Variants in FGD2 observed in about 807,000 individuals in gnomAD.
FGD2 encodes FYVE, RhoGEF and PH domain-containing protein 2.
In FGD2, 52 loss-of-function variants were observed where a neutral mutation model predicts 75.9. That is an observed-to-expected ratio of 0.69 (90% CI 0.55 to 0.86). FGD2 has a LOEUF of 0.86. Among genes scored for constraint, FGD2 ranks in the 40% least tolerant of loss-of-function variants. FGD2 has a pLI of 0.00. For synonymous variants in FGD2, 347 were observed against 348.6 expected, an observed-to-expected ratio of 1.00 and a Z score of 0.05; for missense variants, 790 against 872.0, an observed-to-expected ratio of 0.91 and a Z score of 1.18.
At chr6:37,016,189 T>C (rs1765281481) in intron 9 of FGD2, among the ~76,000 whole-genome samples, 1 of 152,170 alleles carries the variant, frequency 6.6e-6, no homozygotes, top group Non-Finnish European at 1.5e-5. Context: ...AAAATGCAGG[T>C]TCTGAATCAG....
chr6:37,022,207 C>G, intron 12 of FGD2, 32 bp from the exon 13 acceptor site: 3 of 1,589,500 alleles, frequency 1.9e-6, no homozygotes, highest in Middle Eastern at 1.7e-4. Flanking sequence ...TCACCAAGGG[C>G]CCATTCCTGC....
At chr6:37,027,130 C>T (rs2150785953) in intron 14 of FGD2, among the ~76,000 whole-genome samples, 1 of 152,338 alleles carries the variant, frequency 6.6e-6, no homozygotes, top group Non-Finnish European at 1.5e-5. Context: ...GATGCTCAGC[C>T]CCTTCTCAGG....
Position 37,020,619 on chromosome 6 carries a change from C to G in FGD2, c.1201C>G (p.Arg401Gly), listed in dbSNP as rs762301573. Residue 401 changes from arginine (R) to glycine (G), a missense_variant and splice_region_variant, in exon 10 of 16, where the codon CGG (arginine) becomes GGG (glycine). Arg to Gly is a moderately radical substitution (Grantham distance 125). Transcript: ENST00000274963. ...GCAGCGCACCCTGGAGCTGCAAGCC[C>G]GGTAAAGGAGCTGGGGTGGCGGCCC... ...GKQRTLELQA[R>G]SQEEMISWMQ... The G allele has an allele frequency of 1.1e-5, 17 of 1,601,394 alleles. No homozygotes were observed. Among genetic ancestry groups the G allele is most frequent in the Non-Finnish European group, 1.4e-5 (16 of 1,174,132 alleles).
At chr6:37,020,438 G>T in intron 9 of FGD2, 103 bp from the exon 10 acceptor site, 1 of 1,121,894 alleles carries the variant, frequency 8.9e-7, no homozygotes, top group Non-Finnish European at 1.3e-6. Flanking sequence ...TCTCGAATTT[G>T]AATTGTCCCT....
In FGD2 at chr6:37,013,670, A is replaced by G; in HGVS notation, c.589A>G (p.Ser197Gly). The change falls in exon 5 of 16, where the codon AGT (serine) becomes GGT (glycine). Residue 197 changes from serine (S) to glycine (G), a missense_variant. Ser to Gly is a moderately conservative substitution (Grantham distance 56, BLOSUM62 0). Transcript: ENST00000274963. ...GCTGGCCCCCTTCCTGAAGATGTAC[A>G]GTGAGTATGTCAAGAACTTTGAGCG... Reference protein sequence around the residue: ...QKLAPFLKMYSEYVKNFERAA... With the variant: ...QKLAPFLKMYGEYVKNFERAA... 2 of 1,614,032 alleles carry G rather than the reference A, an allele frequency of 1.2e-6. No homozygotes were observed. The highest frequency in any genetic ancestry group is 8.5e-7 in the Non-Finnish European group (1 of 1,179,950).
intron 7 of FGD2, 63 bp from the exon 8 acceptor site, chr6:37,014,829 A>T (rs1250570694): frequency 5.6e-6 from 9 of 1,609,534 alleles, no homozygotes; most frequent in Non-Finnish European, 7.6e-6. Context: ...CCCACAAGGC[A>T]AGCCTTCCAG....
In FGD2 at chr6:37,025,922, G is replaced by A. The variant is rs771004067; in HGVS notation, c.1589G>A (p.Arg530Lys). The change falls in exon 14 of 16, where the codon AGG becomes AAG. Residue 530 changes from arginine (R) to lysine (K), a missense_variant. By Grantham distance (26) the Arg-to-Lys change is conservative. Coordinates refer to ENST00000274963, the MANE Select transcript of FGD2 (RefSeq NM_173558.4). ...NVLPEAKEDK[R>K]RGILEKGSSA... ...CTGCCTGAGGCCAAGGAGGACAAGA[G>A]GCGGGGCATCCTGGAGGTGAGGGCC... 6.2e-7 allele frequency: 1 copy of A among 1,614,170 alleles called. No homozygotes were observed. The highest frequency in any genetic ancestry group is 8.5e-7 in the Non-Finnish European group (1 of 1,180,022).
At chr6:37,016,124 T>TA (rs1765276545) in intron 9 of FGD2, among the ~76,000 whole-genome samples, 2 of 152,156 alleles carry the variant, frequency 1.3e-5, no homozygotes, top group South Asian at 4.1e-4. Context: ...CCCTACTGTT[T>TA]ATACCACTGC....
chr6:37,020,705 G>T lies in FGD2; in HGVS notation c.1203-4G>T. On this transcript the variant is annotated splice_polypyrimidine_tract_variant and splice_region_variant and intron_variant, in intron 10 of 15. Transcript: ENST00000274963. ...CTCAACACCTGTGTTCACTTTCCGA[G>T]CAGGTCCCAGGAGGAAATGATTTCC... is the stretch of plus-strand genomic sequence containing the variant. 6.4e-7 allele frequency: 1 copy of T among 1,574,394 alleles called. No homozygotes were observed.
chr6:37,010,907 C>G, intron 2 of FGD2, 66 bp from the exon 3 acceptor site: 1 of 1,465,868 alleles, frequency 6.8e-7, no homozygotes, highest in Admixed American at 1.7e-5. Context: ...AACCGAGGTC[C>G]CCATCAGAGG....
intron 12 of FGD2, 110 bp from the exon 13 acceptor site, chr6:37,022,129 C>A: frequency 7.0e-7 from 1 of 1,429,120 alleles, no homozygotes; most frequent in Non-Finnish European, 9.3e-7. Flanking sequence ...GGAAGCCCAA[C>A]ACAAAGAATC....
chr6:37,008,858 C>CCA lies in FGD2; in HGVS notation c.94_95dup (p.Gln32HisfsTer4), dbSNP rs1561925047. ...GGACCCCAGAAGCAGCACCCAGAGG[C>CCA]CAGAGGCTAGAGGACGTGCATCACC... On this transcript the variant is annotated frameshift_variant, in exon 2 of 16. Coordinates refer to ENST00000274963, the MANE Select transcript of FGD2 (RefSeq NM_173558.4). LOFTEE classifies it high-confidence loss of function. 1 of 1,602,942 alleles carries CCA rather than the reference C, an allele frequency of 6.2e-7. No individual in the cohort carries two copies. The highest frequency in any genetic ancestry group is 1.7e-5 in the Admixed American group (1 of 59,260).
Position 37,019,355 on chromosome 6 carries a change from T to C in FGD2, c.1123-1186T>C, listed in dbSNP as rs139418516. 5.5e-4 allele frequency among the ~76,000 whole-genome samples: 83 copies of C among 152,250 alleles called. No homozygotes were observed. In the Middle Eastern group the frequency reaches 0.017, roughly 31 times the overall value. On this transcript the variant is annotated intron_variant, in intron 9 of 15. Coordinates refer to ENST00000274963, the MANE Select transcript of FGD2 (RefSeq NM_173558.4). ...CCAAGGGCATCGAATCCAAATCACA[T>C]CAGCCCCTTCTAAGGCAAAGACTGG...
chr6:37,009,979 A>T (rs1234242184), intron 2 of FGD2: 5 of 144,452 alleles, frequency 3.5e-5, no homozygotes, highest in African/African-American at 1.3e-4. Context: ...GCGCCACTCC[A>T]CTCTAGCCTG....
At position 37,014,056 on chromosome 6, in the gene FGD2, T is replaced by A. The variant is rs1765157297; in HGVS notation, c.779T>A (p.Ile260Asn). 1 of 1,614,056 alleles carries A rather than the reference T, an allele frequency of 6.2e-7. No homozygotes were observed. Among genetic ancestry groups the A allele is most frequent in the African/African-American group, 1.3e-5 (1 of 74,998 alleles). ...TACGAGCTGCTGCTCAAGGAGTACA[T>A]CCAGAAGCTGCCAGCCCAGGCCCCA... ...PRYELLLKEYIQKLPAQAPDQ... is the reference protein window; with the variant it reads ...PRYELLLKEYNQKLPAQAPDQ... Residue 260 changes from isoleucine to asparagine, a missense_variant, in exon 6 of 16, where the codon ATC (isoleucine) becomes AAC (asparagine). Physicochemically the swap from Ile to Asn is moderately radical, Grantham distance 149. Transcript: ENST00000274963.
chr6:37,008,322 G>T (rs1044322773), intron 1 of FGD2, among the ~76,000 whole-genome samples: 1 of 152,206 alleles, frequency 6.6e-6, no homozygotes, highest in African/African-American at 2.4e-5. Flanking sequence ...GTCCCTGGGA[G>T]AACAGAGCAT....
rs758072815 is a variant in FGD2, at chr6:37,028,174, G to A, written c.*11G>A. ...GACCTGTCCGACTGAGCCACTGCCAGCCGCTCTCCTGCCCACCTCTCCCCA... is the reference window on the plus strand; with the variant it reads ...GACCTGTCCGACTGAGCCACTGCCAACCGCTCTCCTGCCCACCTCTCCCCA... On this transcript the variant is annotated 3_prime_UTR_variant, in exon 16 of 16. Coordinates refer to ENST00000274963, the MANE Select transcript of FGD2 (RefSeq NM_173558.4). The A allele has an allele frequency of 1.3e-6, 2 of 1,543,720 alleles. No individual in the cohort carries two copies. The highest frequency in any genetic ancestry group is 1.7e-6 in the Non-Finnish European group (2 of 1,143,488).
chr6:37,014,247 C>A, intron 6 of FGD2, 147 bp downstream of exon 6: 1 of 984,738 alleles, frequency 1.0e-6, no homozygotes, highest in Non-Finnish European at 1.5e-6. Flanking sequence ...ATACCATTAG[C>A]CATTTTTCAC....
rs1403850824 is a variant in FGD2, at chr6:37,015,197, A to G, written c.1029+159A>G. 2.0e-5 allele frequency among the ~76,000 whole-genome samples: 3 copies of G among 152,272 alleles called. No individual in the cohort carries two copies. In the East Asian group the frequency reaches 5.8e-4, roughly 29 times the overall value. On this transcript the variant is annotated intron_variant, in intron 8 of 15. Coordinates refer to ENST00000274963, the MANE Select transcript of FGD2 (RefSeq NM_173558.4). ...TGCTTTGGCACCCAGATGACTTTGG[A>G]CAGGTCACCTGCTGCCTCTAAGCCT...
Sources: gnomAD v4.1 joint callset for allele counts (sites outside exome capture counted in the v4.1 genomes callset) on GRCh38, gnomAD v4.1.1 for gene constraint, MANE v1.5 for transcripts, NCBI Gene and HGNC (gene_info 2026-07-23, HGNC 2026-07-21) for gene names.